Variants in SPATA18 observed in about 807,000 individuals in gnomAD.
The protein encoded by SPATA18 is mitochondria-eating protein.
Under a neutral mutation model 68.1 loss-of-function variants are expected in SPATA18, and 54 were observed. The observed-to-expected ratio is 0.79, with a 90% CI of 0.64 to 0.99. SPATA18 has a LOEUF of 0.99. Ranked by LOEUF, SPATA18 falls within the 50% of genes least tolerant of loss-of-function variation. The pLI, the probability that SPATA18 is intolerant of heterozygous loss-of-function variation, is 0.00. For missense variants in SPATA18, 724 were observed against 681.1 expected, an observed-to-expected ratio of 1.06 and a Z score of -0.70; for synonymous variants, 242 against 244.8, an observed-to-expected ratio of 0.99 and a Z score of 0.11.
In SPATA18 at chr4:52,095,253, G is replaced by T; in HGVS notation, c.*366G>T. On this transcript the variant is annotated 3_prime_UTR_variant, in exon 13 of 13. Coordinates refer to ENST00000295213, the MANE Select transcript of SPATA18 (RefSeq NM_145263.4). ...AGTGGAAAGCATCTACCATGCTGAG[G>T]CTAAAAGAAAAGATGAATCATTTTA... 4.1e-6 allele frequency: 1 copy of T among 244,152 alleles called. No homozygotes were observed. Among genetic ancestry groups the T allele is most frequent in the Admixed American group, 5.2e-5 (1 of 19,214 alleles). The allele number at this position is 244,152 out of a possible 1,614,324, so 15.1% of individuals were successfully genotyped here. A position where few individuals can be genotyped will look rare whatever the true frequency, so the allele number is the denominator to read the frequency against.
At chr4:52,060,056 C>T (rs1276317051) in intron 1 of SPATA18, among the ~76,000 whole-genome samples, 1 of 152,184 alleles carries the variant, frequency 6.6e-6, no homozygotes, top group African/African-American at 2.4e-5. Context: ...CTTGTGGCTC[C>T]ACCATCCCTT....
At chr4:52,094,487 G>T (rs78758946) in intron 11 of SPATA18, 40 bp from the exon 12 acceptor site, 35 of 1,591,384 alleles carry the variant, frequency 2.2e-5, no homozygotes, top group Non-Finnish European at 3.0e-5. Context: ...TTTGAGCTCC[G>T]TCTACTATGT....
intron 11 of SPATA18, among the ~76,000 whole-genome samples, chr4:52,086,387 C>T (rs1324860096): frequency 6.6e-6 from 1 of 152,056 alleles, no homozygotes; most frequent in Non-Finnish European, 1.5e-5. Flanking sequence ...TTAGGTATTT[C>T]CCCTAATGTT....
chr4:52,089,706 T>G (rs1741765810), intron 11 of SPATA18, among the ~76,000 whole-genome samples: 1 of 152,262 alleles, frequency 6.6e-6, no homozygotes, highest in Non-Finnish European at 1.5e-5. Flanking sequence ...CTTCCAATTA[T>G]GTGGTCAATT....
At chr4:52,083,294 G>C (rs751856908) in intron 10 of SPATA18, 1 of 985,322 alleles carries the variant, frequency 1.0e-6, no homozygotes, top group Non-Finnish European at 1.2e-6. Context: ...CTCTGTTCCT[G>C]TTCTCCTTGA....
intron 11 of SPATA18, among the ~76,000 whole-genome samples, chr4:52,086,312 A>G (rs572315883): frequency 1.2e-4 from 19 of 152,256 alleles, no homozygotes; most frequent in Non-Finnish European, 1.9e-4. Flanking sequence ...CAGAACATGC[A>G]GTTTTGTTAC....
At chr4:52,056,439 T>C (rs1396494752) in intron 1 of SPATA18, among the ~76,000 whole-genome samples, 1 of 152,194 alleles carries the variant, frequency 6.6e-6, no homozygotes, top group Admixed American at 6.5e-5. Flanking sequence ...GTTCTGAGGA[T>C]TAAATGGAGC....
intron 11 of SPATA18, among the ~76,000 whole-genome samples, chr4:52,088,002 T>C (rs1036124392): frequency 2.1e-4 from 32 of 152,290 alleles, no homozygotes; most frequent in Admixed American, 1.8e-3. Flanking sequence ...TTGTAAGTTG[T>C]ATTCCTAGGT....
chr4:52,057,902 C>G (rs1247491445), intron 1 of SPATA18, among the ~76,000 whole-genome samples: 1 of 152,162 alleles, frequency 6.6e-6, no homozygotes, highest in Non-Finnish European at 1.5e-5. Context: ...GGAATGGGCT[C>G]AGAGAAGTTA....
chr4:52,063,819 G>T (rs531862551), intron 4 of SPATA18, among the ~76,000 whole-genome samples: 1 of 151,970 alleles, frequency 6.6e-6, no homozygotes, highest in Non-Finnish European at 1.5e-5. Context: ...CGTGCTGATG[G>T]GTCCTGAGTT....
intron 11 of SPATA18, among the ~76,000 whole-genome samples, chr4:52,092,381 G>A (rs900148853): frequency 2.6e-5 from 4 of 152,204 alleles, no homozygotes; most frequent in African/African-American, 9.6e-5. Context: ...TTTGCAGGTT[G>A]CAAAGACCAT....
chr4:52,094,209 T>C (rs1272217242), intron 11 of SPATA18, among the ~76,000 whole-genome samples: 1 of 152,192 alleles, frequency 6.6e-6, no homozygotes, highest in South Asian at 2.1e-4. Flanking sequence ...TTATAAAGGA[T>C]CTCCCAGATA....
At position 52,094,380 on chromosome 4, in the gene SPATA18, A is replaced by G. The variant is rs932100112; in HGVS notation, c.1564-147A>G. The G allele has an allele frequency of 1.7e-5, 11 of 657,642 alleles. No homozygotes were observed. In the African/African-American group the frequency reaches 1.8e-4, roughly 11 times the overall value. The allele number at this position is 657,642 out of a possible 1,614,324, so 40.7% of individuals were successfully genotyped here. ...TCAGAAGTCTAAAAAGAATCACAAT[A>G]GTCAACCTTAGGGTGAAAAATCATA... On this transcript the variant is annotated intron_variant, in intron 11 of 12. Transcript: ENST00000295213.
chr4:52,062,361 A>C (rs1350172096), intron 4 of SPATA18, 29 bp downstream of exon 4: 1 of 1,448,676 alleles, frequency 6.9e-7, no homozygotes, highest in South Asian at 1.2e-5. Context: ...ATCTTTTTCC[A>C]AAAAGAATTG....
chr4:52,075,799 G>A (rs1365675168), intron 6 of SPATA18, among the ~76,000 whole-genome samples: 2 of 152,166 alleles, frequency 1.3e-5, no homozygotes, highest in African/African-American at 2.4e-5. Context: ...CTTCTGCCCC[G>A]GCTTTATCAT....
chr4:52,062,783 A>C (rs1230373562), intron 4 of SPATA18, among the ~76,000 whole-genome samples: 1 of 152,228 alleles, frequency 6.6e-6, no homozygotes, highest in Non-Finnish European at 1.5e-5. Flanking sequence ...GGCTGCATCT[A>C]TCAGTCCATT....
chr4:52,056,771 A>C, intron 1 of SPATA18, among the ~76,000 whole-genome samples: 1 of 151,854 alleles, frequency 6.6e-6, no homozygotes, highest in Admixed American at 6.6e-5. Flanking sequence ...TCCCCACCAG[A>C]CTCACCCTGT....
At chr4:52,078,300 A>G (rs1329353580) in intron 7 of SPATA18, 1 of 152,980 alleles carries the variant, frequency 6.5e-6, no homozygotes, top group Non-Finnish European at 1.5e-5. Flanking sequence ...TGCTTACCAC[A>G]CCATAAGCAT....
chr4:52,052,364 A>G (rs946380875), intron 1 of SPATA18, among the ~76,000 whole-genome samples: 2 of 152,184 alleles, frequency 1.3e-5, no homozygotes, highest in African/African-American at 4.8e-5. Flanking sequence ...TTCCAACACC[A>G]GGGCGGATTC....
Sources: gnomAD v4.1 joint callset for allele counts (sites outside exome capture counted in the v4.1 genomes callset) on GRCh38, gnomAD v4.1.1 for gene constraint, MANE v1.5 for transcripts, NCBI Gene and HGNC (gene_info 2026-07-23, HGNC 2026-07-21) for gene names.